The following TOLLIP variants were observed in gnomAD, a reference collection of about 807,000 sequenced individuals.
TOLLIP encodes the protein toll interacting protein, also known as toll-interacting protein.
A neutral mutation model predicts 33.5 loss-of-function variants in TOLLIP; 16 were observed. The ratio of observed to expected loss-of-function variants is 0.48; its 90% CI spans 0.32 to 0.72. TOLLIP has a LOEUF of 0.72. Ranked by LOEUF, TOLLIP falls within the 30% of genes least tolerant of loss-of-function variation. The pLI, the probability that TOLLIP is intolerant of heterozygous loss-of-function variation, is 0.03. For synonymous variants in TOLLIP, 176 were observed against 163.7 expected (o/e 1.07, Z -0.57); for missense variants, 325 against 396.6 (o/e 0.82, Z 1.53).
At chr11:1,291,543 G>A (rs1412484175) in intron 2 of TOLLIP, among the ~76,000 whole-genome samples, 10 of 117,580 alleles carry the variant, frequency 8.5e-5, no homozygotes, top group African/African-American at 2.6e-4. Flanking sequence ...CCGAAGGCAC[G>A]GCCACCCCAT....
At chr11:1,295,478 T>C in intron 2 of TOLLIP, 167 bp downstream of exon 2, 1 of 887,126 alleles carries the variant, frequency 1.1e-6, no homozygotes, top group Non-Finnish European at 1.7e-6. Flanking sequence ...TCAATGCCAA[T>C]ATCTTTCACA....
chr11:1,277,295 C>T lies in TOLLIP; in HGVS notation c.611-42G>A. 1 of 1,457,398 alleles carries T rather than the reference C, an allele frequency of 6.9e-7. No individual in the cohort carries two copies. The highest frequency in any genetic ancestry group is 1.4e-5 in the African/African-American group (1 of 70,966). The allele number at this position is 1,457,398 out of a possible 1,614,324, so 90.3% of individuals were successfully genotyped here. On this transcript the variant is annotated intron_variant, in intron 5 of 5. Coordinates refer to ENST00000317204, the MANE Select transcript of TOLLIP (RefSeq NM_019009.4). This position sits in a 1 kb window ranked among gnomAD's most constrained non-coding sequence, Gnocchi z 4.2. The stretch of plus-strand genomic sequence containing the variant: ...AGTTTGGTAAAAACGTCGGAAAGTT[C>T]CAGAAGTGCCACACTAGCTCCTGCT...
intron 5 of TOLLIP, among the ~76,000 whole-genome samples, chr11:1,284,312 G>A (rs544009171): frequency 2.3e-4 from 35 of 151,918 alleles, no homozygotes; most frequent in African/African-American, 8.2e-4. Flanking sequence ...TTCTTTCCTC[G>A]GTGACGGGGT....
chr11:1,307,448 C>T (rs534292283), intron 1 of TOLLIP, among the ~76,000 whole-genome samples: 1 of 152,360 alleles, frequency 6.6e-6, no homozygotes, highest in East Asian at 1.9e-4. Flanking sequence ...CCCCTCAGAA[C>T]AGGAAGGGCC....
intron 1 of TOLLIP, among the ~76,000 whole-genome samples, chr11:1,304,826 T>C (rs1233727057): frequency 6.6e-6 from 1 of 152,110 alleles, no homozygotes; most frequent in Non-Finnish European, 1.5e-5. Context: ...GTAGGACAAA[T>C]AAAAGCACCA....
rs34787245 is a variant in TOLLIP at position 1,289,602 on chromosome 11, C to T, written c.366+625G>A. Among the ~76,000 whole-genome samples, 1,211 of 152,072 alleles carry T rather than the reference C, an allele frequency of 8.0e-3. 10 individuals carry two copies. Among genetic ancestry groups the T allele is most frequent in the Non-Finnish European group, 0.011 (741 of 67,936 alleles). ...TGCTGGTGAGCGGCCGGACCCTGTG[C>T]GCCCAGCGGGGCGGACACATGCACG... On this transcript the variant is annotated intron_variant, in intron 3 of 5. Coordinates refer to ENST00000317204, the MANE Select transcript of TOLLIP (RefSeq NM_019009.4).
intron 1 of TOLLIP, among the ~76,000 whole-genome samples, chr11:1,302,954 CT>C (rs1483976824): frequency 6.6e-6 from 1 of 152,208 alleles, no homozygotes; most frequent in South Asian, 2.1e-4. Flanking sequence ...CTATCACCCC[CT>C]CCCCTCTTCC....
chr11:1,303,732 G>A lies in TOLLIP; in HGVS notation c.33+5734C>T, dbSNP rs1473013902. Reference sequence around the variant, plus strand: ...GGGCAGGTCAAGGGACAGTGTTAGAGGCCCAGATGAACAGAGGTTAGGGCC... The same window carrying A: ...GGGCAGGTCAAGGGACAGTGTTAGAAGCCCAGATGAACAGAGGTTAGGGCC... On this transcript the variant is annotated intron_variant, in intron 1 of 5. Coordinates refer to ENST00000317204, the MANE Select transcript of TOLLIP (RefSeq NM_019009.4). This position sits in a 1 kb window ranked among gnomAD's most constrained non-coding sequence, Gnocchi z 4.2. 2.6e-5 allele frequency among the ~76,000 whole-genome samples: 4 copies of A among 152,328 alleles called. No homozygotes were observed. In the East Asian group the frequency reaches 7.7e-4, roughly 29 times the overall value.
intron 4 of TOLLIP, among the ~76,000 whole-genome samples, chr11:1,286,840 CTGAGT>C (rs1429259696): frequency 2.0e-5 from 3 of 152,000 alleles, no homozygotes; most frequent in Non-Finnish European, 4.4e-5. Context: ...GCTGTCGTCT[CTGAGT>C]TTAGTTCAAA....
Position 1,277,476 on chromosome 11 carries a change from C to T in TOLLIP, c.611-223G>A, listed in dbSNP as rs1038727431. 6.6e-6 allele frequency among the ~76,000 whole-genome samples: 1 copy of T among 152,184 alleles called. No individual in the cohort carries two copies. Among genetic ancestry groups the T allele is most frequent in the Non-Finnish European group, 1.5e-5 (1 of 68,022 alleles). On this transcript the variant is annotated intron_variant, in intron 5 of 5. Coordinates refer to ENST00000317204, the MANE Select transcript of TOLLIP (RefSeq NM_019009.4). This position sits in a 1 kb window ranked among gnomAD's most constrained non-coding sequence, Gnocchi z 4.2. Reference sequence around the variant, plus strand: ...GGAAGGTGGGCAGGGCCCTCTGTGACGCCTCCTTCACTAACTCATCTTCCT... The same window carrying T: ...GGAAGGTGGGCAGGGCCCTCTGTGATGCCTCCTTCACTAACTCATCTTCCT...
At chr11:1,284,450 A>G (rs998321269) in intron 5 of TOLLIP, among the ~76,000 whole-genome samples, 1 of 151,586 alleles carries the variant, frequency 6.6e-6, no homozygotes, top group Non-Finnish European at 1.5e-5. Flanking sequence ...CTGGGTTCAC[A>G]CCATTCTCCT....
At chr11:1,280,400 G>A (rs1344892257) in intron 5 of TOLLIP, among the ~76,000 whole-genome samples, 1 of 152,150 alleles carries the variant, frequency 6.6e-6, no homozygotes, top group East Asian at 1.9e-4. Context: ...TTCATACTTT[G>A]TGGACGGGCA....
In TOLLIP at chr11:1,283,957, C is replaced by T. The variant is rs551414712; in HGVS notation, c.610+2045G>A. ...GTTCTTTCAGGTTGGCCATTGGCCTCCAACTCAGGACAACCAGACAGAACT... is the reference window on the plus strand; with the variant it reads ...GTTCTTTCAGGTTGGCCATTGGCCTTCAACTCAGGACAACCAGACAGAACT... On this transcript the variant is annotated intron_variant, in intron 5 of 5. Coordinates refer to ENST00000317204, the MANE Select transcript of TOLLIP (RefSeq NM_019009.4). Among the ~76,000 whole-genome samples the T allele has an allele frequency of 1.1e-4, 16 of 152,348 alleles. 1 individual carries two copies. The South Asian group carries it at 3.3e-3, about 32-fold the overall frequency.
At position 1,277,537 on chromosome 11, in the gene TOLLIP, C is replaced by A. The variant is rs1863350003; in HGVS notation, c.611-284G>T. On this transcript the variant is annotated intron_variant, in intron 5 of 5. Transcript: ENST00000317204. The surrounding 1 kb of genome is among the most constrained non-coding windows in gnomAD (Gnocchi z 4.2). ...AATCAAAGTTTGATCTTTCAAATCT[C>A]ACCCGAGTCTGTTTTATAACTAGCA... Among the ~76,000 whole-genome samples, 3 of 152,218 alleles carry A rather than the reference C, an allele frequency of 2.0e-5. No homozygotes were observed. The highest frequency in any genetic ancestry group is 4.1e-4 in the South Asian group (2 of 4,834).
rs373210412 is a variant in TOLLIP, at chr11:1,294,490, A to G, written c.183+1155T>C. 5.0e-3 allele frequency among the ~76,000 whole-genome samples: 195 copies of G among 38,778 alleles called. 1 individual carries two copies. Among genetic ancestry groups the G allele is most frequent in the Admixed American group, 6.7e-3 (19 of 2,826 alleles). 25.4% of individuals were successfully genotyped at this position (38,778 alleles called of 152,430 possible). On this transcript the variant is annotated intron_variant, in intron 2 of 5. Transcript: ENST00000317204. ...TTCTACGAAAGCCCGCGTGGCTCAC[A>G]GTGTGTCTCCTTTCCCTGCATTTCT...
At position 1,305,597 on chromosome 11, in the gene TOLLIP, G is replaced by T. The variant is rs772847038; in HGVS notation, c.33+3869C>A. On this transcript the variant is annotated intron_variant, in intron 1 of 5. Transcript: ENST00000317204. ...CAAACAATCCCAGTTAATAAACACC[G>T]AAGAAGTGATAAAGTTCAGAAACTA... Among the ~76,000 whole-genome samples the T allele has an allele frequency of 2.6e-5, 4 of 152,296 alleles. No individual in the cohort carries two copies. The South Asian group carries it at 6.2e-4, about 24-fold the overall frequency.
intron 1 of TOLLIP, among the ~76,000 whole-genome samples, chr11:1,296,304 G>A (rs916689293): frequency 1.3e-5 from 2 of 152,220 alleles, no homozygotes; most frequent in African/African-American, 4.8e-5. Context: ...CCAGAAGAAC[G>A]CAGGAAGTAA....
In TOLLIP at chr11:1,286,038, C is replaced by A; in HGVS notation, c.574G>T (p.Val192Leu). 6.2e-7 allele frequency: 1 copy of A among 1,600,332 alleles called. No individual in the cohort carries two copies. The highest frequency in any genetic ancestry group is 8.5e-7 in the Non-Finnish European group (1 of 1,174,686). Residue 192 changes from valine to leucine, a missense_variant, in exon 5 of 6, where the codon GTG (valine) becomes TTG (leucine). Coordinates refer to ENST00000317204, the MANE Select transcript of TOLLIP (RefSeq NM_019009.4). ...ACATAGCCAACGCCCTGCTGGTACA[C>A]TGTTGGCATCAGGACCACGGGCTGG... is the stretch of plus-strand genomic sequence containing the variant. ...PPQPVVLMPT[V>L]YQQGVGYVPI...
At position 1,300,796 on chromosome 11, in the gene TOLLIP, A is replaced by T. The variant is rs552565803; in HGVS notation, c.34-5002T>A. ...ACATCACCCCAAGGAGCCGCACCACAGTCGCCCCTGAAGCACGGCTGGCCA... is the reference window on the plus strand; with the variant it reads ...ACATCACCCCAAGGAGCCGCACCACTGTCGCCCCTGAAGCACGGCTGGCCA... On this transcript the variant is annotated intron_variant, in intron 1 of 5. Transcript: ENST00000317204. Among the ~76,000 whole-genome samples, 9 of 152,326 alleles carry T rather than the reference A, an allele frequency of 5.9e-5. No individual in the cohort carries two copies. In the East Asian group the frequency reaches 1.7e-3, roughly 29 times the overall value.
Sources: gnomAD v4.1 joint callset for allele counts (sites outside exome capture counted in the v4.1 genomes callset) on GRCh38, gnomAD v4.1.1 for gene constraint, Gnocchi (gnomAD v3.1) non-coding constraint, MANE v1.5 for transcripts, NCBI Gene and HGNC (gene_info 2026-07-23, HGNC 2026-07-21) for gene names.